Variants in BRAP observed in about 807,000 individuals in gnomAD.
BRAP encodes the protein BRCA1 associated protein, also known as BRCA1-associated protein.
BRAP carries 42 observed loss-of-function variants against 73.4 expected under a neutral mutation model. That is an observed-to-expected ratio of 0.57 (90% CI 0.45 to 0.74). BRAP has a LOEUF of 0.74. Among genes scored for constraint, BRAP ranks in the 30% least tolerant of loss-of-function variants. BRAP has a pLI of 0.00. For synonymous variants in BRAP, 255 were observed against 267.4 expected (o/e 0.95, Z 0.45); for missense variants, 593 against 751.4 (o/e 0.79, Z 2.46).
intron 6 of BRAP, among the ~76,000 whole-genome samples, chr12:111,662,777 T>C (rs1886802853): frequency 6.6e-6 from 1 of 151,832 alleles, no homozygotes. Flanking sequence ...AAAGTAGAAA[T>C]TGGCTTTGTC....
rs1317414286 is a variant in BRAP, at chr12:111,643,555, GC to G, written c.*643del. ...TTCCTACACTGAGTCTACCCAATGT[GC>G]CCCGGGTTGTTTGTTTTTCCTGGCT... On this transcript the variant is annotated 3_prime_UTR_variant, in exon 12 of 12. Transcript: ENST00000419234. 2 of 152,104 alleles carry G rather than the reference GC, an allele frequency of 1.3e-5. No homozygotes were observed. Among genetic ancestry groups the G allele is most frequent in the Non-Finnish European group, 2.9e-5 (2 of 68,056 alleles). 9.4% of individuals were successfully genotyped at this position (152,104 alleles called of 1,614,324 possible). A position where few individuals can be genotyped will look rare whatever the true frequency, so the allele number is the denominator to read the frequency against.
intron 6 of BRAP, among the ~76,000 whole-genome samples, chr12:111,661,029 G>C (rs554076051): frequency 6.6e-6 from 1 of 151,776 alleles, no homozygotes; most frequent in African/African-American, 2.4e-5. Flanking sequence ...GCCTGGGCTG[G>C]AGTGCAGTGG....
chr12:111,674,898 T>G (rs1367610186), intron 4 of BRAP, among the ~76,000 whole-genome samples: 3 of 152,118 alleles, frequency 2.0e-5, no homozygotes, highest in Non-Finnish European at 4.4e-5. Context: ...TCTCACCTCT[T>G]CAGAGCCTCA....
At chr12:111,672,546 T>C (rs1592990990) in intron 5 of BRAP, 115 bp downstream of exon 5, 2 of 838,982 alleles carry the variant, frequency 2.4e-6, no homozygotes, top group Non-Finnish European at 3.6e-6. Context: ...TAACCACCAG[T>C]CTACTTTCTG....
intron 11 of BRAP, among the ~76,000 whole-genome samples, chr12:111,648,407 ATCG>A (rs1886192515): frequency 7.3e-6 from 1 of 137,154 alleles, no homozygotes; most frequent in Non-Finnish European, 1.6e-5. Flanking sequence ...AGGTCAAGAG[ATCG>A]AGACCATCCT....
intron 3 of BRAP, among the ~76,000 whole-genome samples, chr12:111,681,414 T>G (rs529391871): frequency 1.3e-5 from 2 of 151,874 alleles, no homozygotes; most frequent in Non-Finnish European, 2.9e-5. Context: ...TTCTCTTAAG[T>G]GTATCCACAA....
At chr12:111,656,567 T>C (rs1383565124) in intron 9 of BRAP, among the ~76,000 whole-genome samples, 1 of 152,118 alleles carries the variant, frequency 6.6e-6, no homozygotes, top group Non-Finnish European at 1.5e-5. Flanking sequence ...GGAAAAACCA[T>C]TCTAGAAGAC....
Position 111,644,096 on chromosome 12 carries a change from CACTTGT to C in BRAP, c.*97_*102del. ...AGCCAAACAACTGTGGCTTGATCCT[CACTTGT>C]ACTTATTAGGGCCCACCCTCACATT... is the stretch of plus-strand genomic sequence containing the variant. On this transcript the variant is annotated 3_prime_UTR_variant, in exon 12 of 12. Transcript: ENST00000419234. The C allele has an allele frequency of 6.8e-7, 1 of 1,475,432 alleles. No homozygotes were observed. The highest frequency in any genetic ancestry group is 9.0e-7 in the Non-Finnish European group (1 of 1,108,868). 91.4% of individuals were successfully genotyped at this position (1,475,432 alleles called of 1,614,324 possible). A position where few individuals can be genotyped will look rare whatever the true frequency, so the allele number is the denominator to read the frequency against.
At chr12:111,648,543 C>T (rs1233762996) in intron 11 of BRAP, among the ~76,000 whole-genome samples, 3 of 145,362 alleles carry the variant, frequency 2.1e-5, no homozygotes, top group Non-Finnish European at 3.0e-5. Flanking sequence ...ATCCGGGAGG[C>T]GGAGGTTGCA....
chr12:111,682,279 T>A (rs1361934829), intron 2 of BRAP, among the ~76,000 whole-genome samples: 3 of 151,946 alleles, frequency 2.0e-5, no homozygotes, highest in African/African-American at 7.3e-5. Flanking sequence ...CCCAGCACTT[T>A]GGGAGGTCAA....
In BRAP at chr12:111,648,273, A is replaced by G. The variant is rs1191316976; in HGVS notation, c.1415+1666T>C. ...AGATCGCTCCACTGTACTCCAGCCT[A>G]TTGCGCCACTGCACTCCAGCCTGGC... On this transcript the variant is annotated intron_variant, in intron 11 of 11. Transcript: ENST00000419234. Among the ~76,000 whole-genome samples the G allele has an allele frequency of 2.0e-5, 3 of 146,844 alleles. No individual in the cohort carries two copies. In the Admixed American group the frequency reaches 2.1e-4, roughly 10 times the overall value.
chr12:111,681,583 C>CAA (rs368877992), intron 3 of BRAP, 54 bp downstream of exon 3: 22,949 of 1,105,610 alleles, frequency 0.021, 3 homozygotes, highest in South Asian at 0.024. Context: ...TAAAGCAAAG[C>CAA]AAAAAAAAAA....
Position 111,665,344 on chromosome 12 carries a change from C to T in BRAP, c.896+295G>A, listed in dbSNP as rs3742001. On this transcript the variant is annotated intron_variant, in intron 6 of 11. Coordinates refer to ENST00000419234, the MANE Select transcript of BRAP (RefSeq NM_006768.5). The surrounding 1 kb of genome is among the most constrained non-coding windows in gnomAD (Gnocchi z 4.3). The stretch of plus-strand genomic sequence containing the variant: ...CATGAGATTCCAGACCTAGATTTCA[C>T]TGCAGCACGAGAGCCTCAAACTAAG... Among the ~76,000 whole-genome samples the T allele has an allele frequency of 0.36, 54,458 of 151,920 alleles. 14,289 individuals carry two copies. Among genetic ancestry groups the T allele is most frequent in the East Asian group, 0.9 (4,649 of 5,174 alleles).
intron 1 of BRAP, 174 bp downstream of exon 1, chr12:111,685,533 TAACA>T: frequency 7.6e-7 from 1 of 1,321,216 alleles, no homozygotes; most frequent in Non-Finnish European, 9.8e-7. Flanking sequence ...TTCCCTGAGA[TAACA>T]AACGGGAAGG....
chr12:111,674,997 A>G (rs1887324971), intron 4 of BRAP, among the ~76,000 whole-genome samples: 1 of 152,202 alleles, frequency 6.6e-6, no homozygotes, highest in Non-Finnish European at 1.5e-5. Context: ...AGGAAAGGAT[A>G]AGGCATGTGA....
rs1041820906 is a variant in BRAP at position 111,654,609 on chromosome 12, C to A, written c.1311+957G>T. Among the ~76,000 whole-genome samples, 4 of 152,316 alleles carry A rather than the reference C, an allele frequency of 2.6e-5. No homozygotes were observed. The South Asian group carries it at 8.3e-4, about 32-fold the overall frequency. On this transcript the variant is annotated intron_variant, in intron 10 of 11. Coordinates refer to ENST00000419234, the MANE Select transcript of BRAP (RefSeq NM_006768.5). Reference sequence around the variant, plus strand: ...GGGATTACAGGTGTGAGCCACTACACCTGGCCTAAAGCTGATGTTAAGCAT... The same window carrying A: ...GGGATTACAGGTGTGAGCCACTACAACTGGCCTAAAGCTGATGTTAAGCAT...
At position 111,683,269 on chromosome 12, in the gene BRAP, G is replaced by A. The variant is rs1299353030; in HGVS notation, c.121C>T (p.Leu41=). 6.2e-7 allele frequency: 1 copy of A among 1,613,084 alleles called. No homozygotes were observed. The highest frequency in any genetic ancestry group is 1.1e-5 in the South Asian group (1 of 90,816). Residue 41 remains leucine (L), a synonymous_variant, in exon 2 of 12, where the codon CTA becomes TTA. Transcript: ENST00000419234. ...TCTAAACAGGCTACAGCTGAGGCTA[G>A]TGTCGTCTTTTTTATCTCCTCATCA... is the stretch of plus-strand genomic sequence containing the variant. ...MSDEEIKKTT[L]ASAVACLEGK...
At position 111,643,246 on chromosome 12, in the gene BRAP, T is replaced by C. The variant is rs1359634799; in HGVS notation, c.*953A>G. The C allele has an allele frequency of 6.6e-6, 1 of 152,150 alleles. No homozygotes were observed. The highest frequency in any genetic ancestry group is 2.4e-5 in the African/African-American group (1 of 41,430). 9.4% of individuals were successfully genotyped at this position (152,150 alleles called of 1,614,324 possible). ...TTTTGGTTATATCTTGAAAGCGTAA[T>C]TGAAAATCTGCCCAAGCTCCCTCTA... On this transcript the variant is annotated 3_prime_UTR_variant, in exon 12 of 12. Transcript: ENST00000419234.
rs1017216749 is a variant in BRAP, at chr12:111,680,305, C to A, written c.444-965G>T. Among the ~76,000 whole-genome samples, 5 of 152,094 alleles carry A rather than the reference C, an allele frequency of 3.3e-5. No homozygotes were observed. The South Asian group carries it at 1.0e-3, about 32-fold the overall frequency. On this transcript the variant is annotated intron_variant, in intron 3 of 11. Transcript: ENST00000419234. ...TAACTGAGGATTACAGGAAGTGTTA[C>A]CAAGTTGAGATGGCTGGAATAGAGA...
Sources: allele counts gnomAD v4.1 joint callset (sites outside exome capture counted in the v4.1 genomes callset), GRCh38; gene constraint gnomAD v4.1.1; non-coding constraint Gnocchi (gnomAD v3.1); transcripts MANE v1.5; gene names NCBI Gene and HGNC (gene_info 2026-07-23, HGNC 2026-07-21).